Variants in TMEM106B observed in about 807,000 individuals in gnomAD.
The protein encoded by TMEM106B is transmembrane protein 106B.
Under a neutral mutation model 31.1 loss-of-function variants are expected in TMEM106B, and 15 were observed. The observed-to-expected ratio is 0.48, with a 90% CI of 0.32 to 0.74. The LOEUF (loss-of-function observed/expected upper bound fraction) is 0.74. Among genes scored for constraint, TMEM106B ranks in the 30% least tolerant of loss-of-function variants. The pLI is 0.03. For missense variants in TMEM106B, 283 were observed against 327.3 expected (o/e 0.86, Z 1.04); for synonymous variants, 126 against 112.5 (o/e 1.12, Z -0.76).
At chr7:12,211,528 G>C (rs529015260) in intron 1 of TMEM106B, 103 bp downstream of exon 1, 1 of 152,750 alleles carries the variant, frequency 6.5e-6, no homozygotes, top group African/African-American at 2.4e-5. Flanking sequence ...GAGGCCGCTG[G>C]GGTGCTGGGC....
At chr7:12,219,737 A>G (rs1781751668) in intron 3 of TMEM106B, among the ~76,000 whole-genome samples, 3 of 152,178 alleles carry the variant, frequency 2.0e-5, no homozygotes, top group Admixed American at 6.6e-5. Flanking sequence ...AATACATTGG[A>G]AATACAGTCA....
chr7:12,233,363 T>G lies in TMEM106B; in HGVS notation c.*1388T>G, dbSNP rs867316623. 6.6e-6 allele frequency: 1 copy of G among 151,578 alleles called. No homozygotes were observed. The highest frequency in any genetic ancestry group is 1.5e-5 in the Non-Finnish European group (1 of 67,656). The allele number at this position is 151,578 out of a possible 1,614,324, so 9.4% of individuals were successfully genotyped here. A position where few individuals can be genotyped will look rare whatever the true frequency, so the allele number is the denominator to read the frequency against. ...AGATTAATTTCGTTCTGTTTTCTCA[T>G]GACAGAAATCAGGTTTCCCTTTCCC... is the stretch of plus-strand genomic sequence containing the variant. On this transcript the variant is annotated 3_prime_UTR_variant, in exon 8 of 8. Coordinates refer to ENST00000396668, the MANE Select transcript of TMEM106B (RefSeq NM_001134232.2).
intron 4 of TMEM106B, among the ~76,000 whole-genome samples, chr7:12,225,831 C>T (rs985163465): frequency 2.6e-5 from 4 of 152,104 alleles, no homozygotes; most frequent in Non-Finnish European, 5.9e-5. Flanking sequence ...ATGATAGTTT[C>T]TTTTGCTATG....
chr7:12,228,253 T>C (rs1781943197), intron 4 of TMEM106B, among the ~76,000 whole-genome samples: 1 of 151,864 alleles, frequency 6.6e-6, no homozygotes, highest in African/African-American at 2.4e-5. Context: ...TTTTTTTTAC[T>C]AAAACTATTT....
intron 3 of TMEM106B, among the ~76,000 whole-genome samples, chr7:12,218,941 G>T (rs964722079): frequency 6.6e-6 from 1 of 152,100 alleles, no homozygotes; most frequent in Non-Finnish European, 1.5e-5. Context: ...GATCATATGA[G>T]CCCTGATACA....
rs1286742847 is a variant in TMEM106B, at chr7:12,242,565, A to G, written c.*10590A>G. On this transcript the variant is annotated 3_prime_UTR_variant, in exon 8 of 8. Transcript: ENST00000396668. ...AGGTTAAATCACATTTTTCACAGAG[A>G]GTGTTTTACTGAAATATAAACTTTT... 6.6e-6 allele frequency: 1 copy of G among 152,094 alleles called. No individual in the cohort carries two copies. Among genetic ancestry groups the G allele is most frequent in the Non-Finnish European group, 1.5e-5 (1 of 68,022 alleles). 9.4% of individuals were successfully genotyped at this position (152,094 alleles called of 1,614,324 possible). A position where few individuals can be genotyped will look rare whatever the true frequency, so the allele number is the denominator to read the frequency against.
At chr7:12,223,775 C>T (rs1239486493) in intron 3 of TMEM106B, among the ~76,000 whole-genome samples, 3 of 145,416 alleles carry the variant, frequency 2.1e-5, no homozygotes, top group East Asian at 2.0e-4. Context: ...GGCAGGAGTG[C>T]GGTGGTGCGA....
intron 3 of TMEM106B, among the ~76,000 whole-genome samples, chr7:12,221,084 TAAA>T (rs1423952454): frequency 6.6e-5 from 6 of 91,474 alleles, no homozygotes; most frequent in African/African-American, 3.2e-4. Flanking sequence ...GATAAGCAAG[TAAA>T]GTGTGTGTGT....
Position 12,232,256 on chromosome 7 carries a change from C to G in TMEM106B, c.*281C>G, listed in dbSNP as rs149691932. Reference sequence around the variant, plus strand: ...AAAAGCTGATACTTCCCCTATAGTACAATAAATAATTATTTAAAAGTCATA... The same window carrying G: ...AAAAGCTGATACTTCCCCTATAGTAGAATAAATAATTATTTAAAAGTCATA... On this transcript the variant is annotated 3_prime_UTR_variant, in exon 8 of 8. Transcript: ENST00000396668. The G allele has an allele frequency of 2.6e-3, 532 of 206,126 alleles. 4 individuals are homozygous for G. Among genetic ancestry groups the G allele is most frequent in the African/African-American group, 0.011 (489 of 43,718 alleles). 12.8% of individuals were successfully genotyped at this position (206,126 alleles called of 1,614,324 possible).
chr7:12,235,553 A>G lies in TMEM106B; in HGVS notation c.*3578A>G, dbSNP rs1485956637. On this transcript the variant is annotated 3_prime_UTR_variant, in exon 8 of 8. Coordinates refer to ENST00000396668, the MANE Select transcript of TMEM106B (RefSeq NM_001134232.2). ...CCATCAAAAACACAATTAAAGTAAC[A>G]TATTAGGAGACTTGAAACTTCAGCC... The G allele has an allele frequency of 2.0e-5, 3 of 151,836 alleles. No homozygotes were observed. Among genetic ancestry groups the G allele is most frequent in the African/African-American group, 4.8e-5 (2 of 41,398 alleles). 9.4% of individuals were successfully genotyped at this position (151,836 alleles called of 1,614,324 possible).
intron 6 of TMEM106B, 74 bp downstream of exon 6, chr7:12,230,512 TA>T: frequency 9.6e-7 from 1 of 1,040,198 alleles, no homozygotes; most frequent in Middle Eastern, 2.7e-4. Flanking sequence ...AGAGTATACA[TA>T]TTTTTTAATT....
In TMEM106B at chr7:12,229,675, G is replaced by A. The variant is rs774402516; in HGVS notation, c.442-4G>A. ...TGTAAATTTTCTGTGTCCTTTTTTT[G>A]TAGAACACACTAAATATAACAAACA... On this transcript the variant is annotated splice_region_variant and splice_polypyrimidine_tract_variant and intron_variant, in intron 4 of 7. Coordinates refer to ENST00000396668, the MANE Select transcript of TMEM106B (RefSeq NM_001134232.2). The A allele has an allele frequency of 1.3e-6, 2 of 1,538,196 alleles. No individual in the cohort carries two copies. Among genetic ancestry groups the A allele is most frequent in the Non-Finnish European group, 1.7e-6 (2 of 1,146,232 alleles).
At chr7:12,229,896 G>T in intron 5 of TMEM106B, 77 bp downstream of exon 5, 2 of 1,451,036 alleles carry the variant, frequency 1.4e-6, no homozygotes, top group South Asian at 1.4e-5. Flanking sequence ...TGAAGGAGGT[G>T]GGGGATTTCC....
In TMEM106B at chr7:12,236,283, T is replaced by C. The variant is rs999454842; in HGVS notation, c.*4308T>C. 1 of 151,902 alleles carries C rather than the reference T, an allele frequency of 6.6e-6. No homozygotes were observed. Among genetic ancestry groups the C allele is most frequent in the African/African-American group, 2.4e-5 (1 of 41,408 alleles). The allele number at this position is 151,902 out of a possible 1,614,324, so 9.4% of individuals were successfully genotyped here. A position where few individuals can be genotyped will look rare whatever the true frequency, so the allele number is the denominator to read the frequency against. Reference sequence around the variant, plus strand: ...ATTGGATAAAATCAAGTGATTAAAGTTACTAAAGAGATAAAAATGGTAATT... The same window carrying C: ...ATTGGATAAAATCAAGTGATTAAAGCTACTAAAGAGATAAAAATGGTAATT... On this transcript the variant is annotated 3_prime_UTR_variant, in exon 8 of 8. Coordinates refer to ENST00000396668, the MANE Select transcript of TMEM106B (RefSeq NM_001134232.2).
At position 12,230,449 on chromosome 7, in the gene TMEM106B, A is replaced by T. The variant is rs757561026; in HGVS notation, c.632+11A>T. 1.7e-5 allele frequency: 26 copies of T among 1,512,488 alleles called. No individual in the cohort carries two copies. Among genetic ancestry groups the T allele is most frequent in the Non-Finnish European group, 2.7e-6 (3 of 1,096,452 alleles). The allele number at this position is 1,512,488 out of a possible 1,614,324, so 93.7% of individuals were successfully genotyped here. On this transcript the variant is annotated intron_variant, in intron 6 of 7. Transcript: ENST00000396668. ...AATGAGTTATATGTAGTAAGTTCTG[A>T]TTTATAATAACTTTTTATTGTCAAA...
chr7:12,230,460 C>T (rs1781997890), intron 6 of TMEM106B, 22 bp downstream of exon 6: 1 of 1,446,016 alleles, frequency 6.9e-7, no homozygotes, highest in Non-Finnish European at 9.6e-7. Flanking sequence ...TTTATAATAA[C>T]TTTTTATTGT....
intron 3 of TMEM106B, among the ~76,000 whole-genome samples, chr7:12,222,490 TATG>T (rs1272190673): frequency 1.3e-5 from 2 of 152,200 alleles, no homozygotes; most frequent in African/African-American, 4.8e-5. Context: ...AGGACTAGAT[TATG>T]ATGGATTCAC....
chr7:12,231,020 T>C, intron 6 of TMEM106B, 42 bp from the exon 7 acceptor site: 1 of 1,354,668 alleles, frequency 7.4e-7, no homozygotes, highest in South Asian at 1.3e-5. Flanking sequence ...TAATTTATAA[T>C]GTAGTAACTT....
rs1420463008 is a variant in TMEM106B, at chr7:12,234,878, G to C, written c.*2903G>C. 6.6e-6 allele frequency: 1 copy of C among 151,756 alleles called. No homozygotes were observed. Among genetic ancestry groups the C allele is most frequent in the Non-Finnish European group, 1.5e-5 (1 of 67,790 alleles). The allele number at this position is 151,756 out of a possible 1,614,324, so 9.4% of individuals were successfully genotyped here. On this transcript the variant is annotated 3_prime_UTR_variant, in exon 8 of 8. Transcript: ENST00000396668. ...AGAGTGATAGGCTCCTTATCTTTTAGAAGAGGAAGGAAAGGCATGAAGAAG... is the reference window on the plus strand; with the variant it reads ...AGAGTGATAGGCTCCTTATCTTTTACAAGAGGAAGGAAAGGCATGAAGAAG...
Sources: allele counts gnomAD v4.1 joint callset (sites outside exome capture counted in the v4.1 genomes callset), GRCh38; gene constraint gnomAD v4.1.1; transcripts MANE v1.5; gene names NCBI Gene and HGNC (gene_info 2026-07-23, HGNC 2026-07-21).